Variants in NRL observed in about 807,000 individuals in gnomAD.
The protein encoded by NRL is neural retina-specific leucine zipper protein.
NRL carries 16 observed loss-of-function variants against 12.5 expected under a neutral mutation model. That is an observed-to-expected ratio of 1.28 (90% confidence interval 0.87 to 1.95). NRL has a LOEUF of 1.95. Among genes scored for constraint, NRL ranks in the 30% most tolerant of loss-of-function variants. The pLI is 0.00. For synonymous variants in NRL, 142 were observed against 150.9 expected (o/e 0.94, Z 0.43); for missense variants, 314 against 325.8 (o/e 0.96, Z 0.28).
At chr14:24,102,303 C>T (rs961393291) in intron 1 of NRL, among the ~76,000 whole-genome samples, 7 of 152,158 alleles carry the variant, frequency 4.6e-5, no homozygotes, top group South Asian at 2.1e-4. Flanking sequence ...GGTTTGCTGA[C>T]GGAAAGTCAA....
intron 1 of NRL, chr14:24,084,413 G>A: frequency 2.9e-6 from 1 of 344,068 alleles, no homozygotes; most frequent in Non-Finnish European, 4.1e-6. Flanking sequence ...AGTGGAGTAG[G>A]GTACCAAGGT....
At position 24,082,773 on chromosome 14, in the gene NRL, C is replaced by T. The variant is rs947632887; in HGVS notation, c.76G>A (p.Glu26Lys). Residue 26 changes from glutamate to lysine, a missense_variant, in exon 2 of 3, where the codon GAA becomes AAA. Glu to Lys is a moderately conservative substitution (Grantham distance 56). Coordinates refer to ENST00000561028, the MANE Select transcript of NRL (RefSeq NM_001354768.3). Reference protein sequence around the residue: ...FDLMKFEVKREPSEGRPGPPT... With the variant: ...FDLMKFEVKRKPSEGRPGPPT... ...GGGCCAGGTCGGCCCTCAGAGGGTT[C>T]CCGCTTTACCTCAAACTTCATCAAG... 7 of 1,614,168 alleles carry T rather than the reference C, an allele frequency of 4.3e-6. No homozygotes were observed. The Admixed American group carries it at 8.3e-5, about 19-fold the overall frequency.
At chr14:24,106,716 G>A (rs965798685) in intron 1 of NRL, among the ~76,000 whole-genome samples, 7 of 138,496 alleles carry the variant, frequency 5.1e-5, no homozygotes, top group African/African-American at 2.1e-4. Context: ...GTGAGACTCT[G>A]TCTCAAAAAA....
rs1454270709 is a variant in NRL, at chr14:24,094,350, A to G, written c.-27-11475T>C. 4 of 1,496,010 alleles carry G rather than the reference A, an allele frequency of 2.7e-6. No homozygotes were observed. The highest frequency in any genetic ancestry group is 2.9e-5 in the African/African-American group (2 of 70,044). The allele number at this position is 1,496,010 out of a possible 1,614,324, so 92.7% of individuals were successfully genotyped here. Reference sequence around the variant, plus strand: ...CGCGCTCCCTCCTTCCCCGCCTTCCATACCTCCCCGGCTCCGCTCGGTTCC... The same window carrying G: ...CGCGCTCCCTCCTTCCCCGCCTTCCGTACCTCCCCGGCTCCGCTCGGTTCC... On this transcript the variant is annotated intron_variant, in intron 1 of 2. Transcript: ENST00000561028. This position sits in a 1 kb window ranked among gnomAD's most constrained non-coding sequence, Gnocchi z 4.1.
rs968654389 is a variant in NRL at position 24,091,203 on chromosome 14, T to C, written c.-27-8328A>G. On this transcript the variant is annotated intron_variant, in intron 1 of 2. Transcript: ENST00000561028. ...TCTCACTGTGTTGCCCAGGCTGGAG[T>C]GCAGTGGTGCGATCTCGGCTCACTG... is the stretch of plus-strand genomic sequence containing the variant. Among the ~76,000 whole-genome samples, 4 of 150,144 alleles carry C rather than the reference T, an allele frequency of 2.7e-5. No individual in the cohort carries two copies. In the Admixed American group the frequency reaches 2.7e-4, roughly 10 times the overall value.
chr14:24,103,162 G>T (rs760384830), intron 1 of NRL: 1 of 1,612,398 alleles, frequency 6.2e-7, no homozygotes, highest in Non-Finnish European at 8.5e-7. Context: ...TGATCTAGGG[G>T]TACCCCTGGT....
At chr14:24,109,031 A>G (rs1767546060) in intron 1 of NRL, among the ~76,000 whole-genome samples, 13 of 152,216 alleles carry the variant, frequency 8.5e-5, no homozygotes, top group Admixed American at 7.9e-4. Flanking sequence ...ACAGGCCAAG[A>G]CAGGTCAGGC....
At chr14:24,109,715 AT>A (rs1246444884) in intron 1 of NRL, among the ~76,000 whole-genome samples, 5 of 151,516 alleles carry the variant, frequency 3.3e-5, no homozygotes, top group East Asian at 3.8e-4. Flanking sequence ...AAAAAAAAAA[AT>A]CTTTTATACG....
At chr14:24,087,194 T>C (rs1014223329) in intron 1 of NRL, among the ~76,000 whole-genome samples, 26 of 151,808 alleles carry the variant, frequency 1.7e-4, no homozygotes, top group Non-Finnish European at 2.8e-4. Flanking sequence ...ATGGACGAGA[T>C]GGATAAAGAA....
chr14:24,103,357 T>C, intron 1 of NRL: 1 of 1,165,598 alleles, frequency 8.6e-7, no homozygotes, highest in Non-Finnish European at 1.3e-6. Context: ...TGGAGTCTGA[T>C]ATGGCCCCAC....
rs2036317925 is a variant in NRL at position 24,081,795 on chromosome 14, C to T, written c.382-227G>A. ...TTGCTCCAGTCAGGCGGGCGCCCCA[C>T]GGTGCAGGGCCGGCCACGGTCAGGC... On this transcript the variant is annotated intron_variant, in intron 2 of 2. Coordinates refer to ENST00000561028, the MANE Select transcript of NRL (RefSeq NM_001354768.3). The surrounding 1 kb of genome is among the most constrained non-coding windows in gnomAD (Gnocchi z 4.4). 2 of 1,493,936 alleles carry T rather than the reference C, an allele frequency of 1.3e-6. No individual in the cohort carries two copies. The highest frequency in any genetic ancestry group is 1.3e-5 in the South Asian group (1 of 79,332). 92.5% of individuals were successfully genotyped at this position (1,493,936 alleles called of 1,614,324 possible).
chr14:24,085,764 G>C lies in NRL; in HGVS notation c.-27-2889C>G, dbSNP rs2036451353. Among the ~76,000 whole-genome samples, 1 of 152,222 alleles carries C rather than the reference G, an allele frequency of 6.6e-6. No individual in the cohort carries two copies. The highest frequency in any genetic ancestry group is 6.5e-5 in the Admixed American group (1 of 15,278). ...AAGCTGGCAGATACAGATTATCTAA[G>C]AAGGTGGTTTCTGAAGTGTGGTCCC... On this transcript the variant is annotated intron_variant, in intron 1 of 2. Transcript: ENST00000561028. The surrounding 1 kb of genome is among the most constrained non-coding windows in gnomAD (Gnocchi z 4.1).
Position 24,081,223 on chromosome 14 carries a change from T to C in NRL, c.*13A>G. ...ACCCAGCCCCCACTACACCACAAGG[T>C]GCTCTGAACGGCTCAGAGGAAGAGG... On this transcript the variant is annotated 3_prime_UTR_variant, in exon 3 of 3. Transcript: ENST00000561028. This position sits in a 1 kb window ranked among gnomAD's most constrained non-coding sequence, Gnocchi z 4.4. The C allele has an allele frequency of 6.9e-7, 1 of 1,452,138 alleles. No individual in the cohort carries two copies. The highest frequency in any genetic ancestry group is 9.1e-7 in the Non-Finnish European group (1 of 1,098,484). The allele number at this position is 1,452,138 out of a possible 1,614,324, so 90.0% of individuals were successfully genotyped here. A position where few individuals can be genotyped will look rare whatever the true frequency, so the allele number is the denominator to read the frequency against.
rs2036308291 is a variant in NRL, at chr14:24,081,635, A to T, written c.382-67T>A. The T allele has an allele frequency of 6.5e-7, 1 of 1,541,402 alleles. No individual in the cohort carries two copies. The highest frequency in any genetic ancestry group is 8.7e-7 in the Non-Finnish European group (1 of 1,143,168). ...CACCCGGCTCTGCCCTGAGGGCCCG[A>T]CGCTACCTGGCTCCGCCCCGGGACA... On this transcript the variant is annotated intron_variant, in intron 2 of 2. Transcript: ENST00000561028. This position sits in a 1 kb window ranked among gnomAD's most constrained non-coding sequence, Gnocchi z 4.4.
intron 1 of NRL, chr14:24,103,568 G>C (rs750479317): frequency 6.3e-7 from 1 of 1,585,074 alleles, no homozygotes; most frequent in Non-Finnish European, 8.6e-7. Flanking sequence ...ACAACTTCGG[G>C]CACTACCTGG....
chr14:24,094,133 G>A lies in NRL; in HGVS notation c.-27-11258C>T, dbSNP rs997029185. On this transcript the variant is annotated intron_variant, in intron 1 of 2. Coordinates refer to ENST00000561028, the MANE Select transcript of NRL (RefSeq NM_001354768.3). This position sits in a 1 kb window ranked among gnomAD's most constrained non-coding sequence, Gnocchi z 4.1. ...ACCCAGTCCTCCAATGGGAGAGATGGGTTTGGCGGTTTGGAGGCAGGGGTT... is the reference window on the plus strand; with the variant it reads ...ACCCAGTCCTCCAATGGGAGAGATGAGTTTGGCGGTTTGGAGGCAGGGGTT... The A allele has an allele frequency of 4.4e-5, 24 of 543,464 alleles. No individual in the cohort carries two copies. The highest frequency in any genetic ancestry group is 7.7e-5 in the Non-Finnish European group (24 of 310,602). The allele number at this position is 543,464 out of a possible 1,614,324, so 33.7% of individuals were successfully genotyped here.
At position 24,081,736 on chromosome 14, in the gene NRL, G is replaced by T; in HGVS notation, c.382-168C>A. 6.6e-7 allele frequency: 1 copy of T among 1,522,556 alleles called. No homozygotes were observed. The allele number at this position is 1,522,556 out of a possible 1,614,324, so 94.3% of individuals were successfully genotyped here. On this transcript the variant is annotated intron_variant, in intron 2 of 2. Transcript: ENST00000561028. The surrounding 1 kb of genome is among the most constrained non-coding windows in gnomAD (Gnocchi z 4.4). ...CTGTTTCGGTCCAGAGCCCGCCCCA[G>T]GCCCCGACGCTCCCCGGGCCCCCCA...
In NRL at chr14:24,082,377, C is replaced by T. The variant is rs539457660; in HGVS notation, c.381+91G>A. The stretch of plus-strand genomic sequence containing the variant: ...CCTGCCCTCTGTCCCCTGTCCCAGT[C>T]CATAACCCCCTCTGGGAGCTCCCCT... On this transcript the variant is annotated intron_variant, in intron 2 of 2. Coordinates refer to ENST00000561028, the MANE Select transcript of NRL (RefSeq NM_001354768.3). The T allele has an allele frequency of 2.6e-6, 4 of 1,534,040 alleles. No individual in the cohort carries two copies. In the East Asian group the frequency reaches 9.0e-5, roughly 34 times the overall value.
intron 1 of NRL, chr14:24,102,837 C>A: frequency 2.5e-6 from 4 of 1,613,950 alleles, no homozygotes; most frequent in Non-Finnish European, 3.4e-6. Flanking sequence ...GCCTGGGAGG[C>A]CCCAGAGGGT....
Sources: gnomAD v4.1 joint callset for allele counts (sites outside exome capture counted in the v4.1 genomes callset) on GRCh38, gnomAD v4.1.1 for gene constraint, Gnocchi (gnomAD v3.1) non-coding constraint, MANE v1.5 for transcripts, NCBI Gene and HGNC (gene_info 2026-07-23, HGNC 2026-07-21) for gene names.